The following EML6 variants were observed in gnomAD, a reference collection of about 807,000 sequenced individuals.
EML6 encodes the protein echinoderm microtubule-associated protein-like 6.
In EML6, 154 loss-of-function variants were observed where a neutral mutation model predicts 240.1. The observed-to-expected ratio is 0.64, with a 90% CI of 0.56 to 0.73. EML6 has a LOEUF of 0.73. EML6 is among the 30% of genes least tolerant of loss of function. The pLI, the probability that EML6 is intolerant of heterozygous loss-of-function variation, is 0.00. For missense variants in EML6, 2,964 were observed against 2,474.6 expected, an observed-to-expected ratio of 1.20 and a Z score of -4.20; for synonymous variants, 1,148 against 899.0, an observed-to-expected ratio of 1.28 and a Z score of -4.95.
intron 13 of EML6, among the ~76,000 whole-genome samples, chr2:54,866,351 A>G (rs781294201): frequency 1.3e-5 from 2 of 152,226 alleles, no homozygotes; most frequent in East Asian, 3.8e-4. Context: ...GCATGAAGCT[A>G]TGAAGTGAAT....
chr2:54,839,242 C>G (rs934729486), intron 7 of EML6, among the ~76,000 whole-genome samples: 6 of 152,188 alleles, frequency 3.9e-5, no homozygotes, highest in African/African-American at 1.2e-4. Flanking sequence ...GTTCTCTTTA[C>G]CACTCTTGCA....
intron 2 of EML6, among the ~76,000 whole-genome samples, chr2:54,807,676 C>T (rs921017021): frequency 6.6e-6 from 1 of 152,170 alleles, no homozygotes. Flanking sequence ...CAACTATAGA[C>T]AACAGTGAAA....
At chr2:54,738,929 C>T (rs1212918343) in intron 2 of EML6, among the ~76,000 whole-genome samples, 5 of 152,146 alleles carry the variant, frequency 3.3e-5, no homozygotes, top group Admixed American at 3.3e-4. Context: ...TTGCTAGATA[C>T]TGTCAAATGG....
intron 2 of EML6, among the ~76,000 whole-genome samples, chr2:54,746,685 A>G (rs1683926702): frequency 6.6e-6 from 1 of 152,114 alleles, no homozygotes; most frequent in African/African-American, 2.4e-5. Context: ...TTTTTGTTTT[A>G]TAGCTAGAAA....
intron 26 of EML6, among the ~76,000 whole-genome samples, chr2:54,917,184 T>A (rs1314959913): frequency 6.6e-6 from 1 of 152,184 alleles, no homozygotes; most frequent in African/African-American, 2.4e-5. Flanking sequence ...AACTGCAAAG[T>A]AAGTGTTACC....
rs1477933483 is a variant in EML6, at chr2:54,879,535, G to T, written c.2345-12G>T. 2 of 1,539,340 alleles carry T rather than the reference G, an allele frequency of 1.3e-6. No individual in the cohort carries two copies. Among genetic ancestry groups the T allele is most frequent in the African/African-American group, 2.8e-5 (2 of 72,650 alleles). The stretch of plus-strand genomic sequence containing the variant: ...TGGAAGAAATTTTGACATTTGTGTT[G>T]TTTTCATACAGCCGATGGAAAATGT... On this transcript the variant is annotated splice_polypyrimidine_tract_variant and intron_variant, in intron 16 of 41. Coordinates refer to ENST00000356458, the MANE Select transcript of EML6 (RefSeq NM_001039753.4).
At position 54,928,380 on chromosome 2, in the gene EML6, A is replaced by T. The variant is rs1395076836; in HGVS notation, c.3743A>T (p.His1248Leu). 6.4e-7 allele frequency: 1 copy of T among 1,552,046 alleles called. No individual in the cohort carries two copies. The highest frequency in any genetic ancestry group is 8.7e-7 in the Non-Finnish European group (1 of 1,147,084). The part of the protein sequence containing the change: ...SAHVTNVRWL[H>L]NDSVLLTVGG... ...CATGTCACTAACGTGAGGTGGCTGC[A>T]CAATGACTCTGTGCTGCTCACGGTG... Residue 1248 changes from histidine (H) to leucine (L), a missense_variant, in exon 27 of 42, where the codon CAC (histidine) becomes CTC (leucine). By Grantham distance (99) the His-to-Leu change is moderately conservative (BLOSUM62 -3). Coordinates refer to ENST00000356458, the MANE Select transcript of EML6 (RefSeq NM_001039753.4).
intron 22 of EML6, among the ~76,000 whole-genome samples, chr2:54,902,052 A>G (rs1278305119): frequency 1.3e-5 from 2 of 152,220 alleles, no homozygotes. Flanking sequence ...AGAGGCAAGA[A>G]CAACATCTTT....
At chr2:54,784,620 C>A (rs1301979902) in intron 2 of EML6, among the ~76,000 whole-genome samples, 1 of 152,142 alleles carries the variant, frequency 6.6e-6, no homozygotes, top group Non-Finnish European at 1.5e-5. Flanking sequence ...ATGCTGTTGA[C>A]AAGAAGCCTT....
chr2:54,858,481 C>G (rs982965541), intron 11 of EML6, among the ~76,000 whole-genome samples: 9 of 152,280 alleles, frequency 5.9e-5, no homozygotes, highest in Admixed American at 5.9e-4. Flanking sequence ...ACCCTGCTCC[C>G]CAATTACTCA....
chr2:54,957,660 G>T (rs946173294), intron 32 of EML6, 130 bp from the exon 33 acceptor site: 4 of 777,076 alleles, frequency 5.1e-6, no homozygotes, highest in Non-Finnish European at 4.2e-6. Context: ...GTCTGAAGGG[G>T]AGAGAGTGCT....
At chr2:54,924,775 C>G (rs1207886925) in intron 26 of EML6, among the ~76,000 whole-genome samples, 2 of 152,098 alleles carry the variant, frequency 1.3e-5, no homozygotes, top group Non-Finnish European at 2.9e-5. Context: ...GTTGGCCAGA[C>G]TGGTCTCGAA....
intron 18 of EML6, among the ~76,000 whole-genome samples, chr2:54,891,411 A>G (rs1291862495): frequency 6.6e-6 from 1 of 152,222 alleles, no homozygotes; most frequent in African/African-American, 2.4e-5. Context: ...ATATTTAGTC[A>G]TCTGTTCTGA....
At chr2:54,788,968 AC>A (rs1248065503) in intron 2 of EML6, among the ~76,000 whole-genome samples, 1 of 151,972 alleles carries the variant, frequency 6.6e-6, no homozygotes, top group Non-Finnish European at 1.5e-5. Flanking sequence ...CATCCGCCCC[AC>A]CCCCTTTGCC....
chr2:54,961,184 G>GTTGTTTTTTTTTTTTTGTTTGTTTTT, intron 35 of EML6, among the ~76,000 whole-genome samples: 1 of 55,424 alleles, frequency 1.8e-5, no homozygotes, highest in East Asian at 6.3e-4. Flanking sequence ...TCAGGAAGTA[G>GTTGTTTTTTTTTTTTTGTTTGTTTTT]TTTTTTTTTT....
chr2:54,878,297 C>T (rs536056592), intron 16 of EML6, among the ~76,000 whole-genome samples: 4 of 152,276 alleles, frequency 2.6e-5, no homozygotes, highest in South Asian at 4.1e-4. Context: ...GGCAATTTAT[C>T]ACAGACCTGT....
intron 25 of EML6, among the ~76,000 whole-genome samples, chr2:54,915,733 C>G (rs1220067189): frequency 6.6e-6 from 1 of 152,022 alleles, no homozygotes; most frequent in Non-Finnish European, 1.5e-5. Context: ...GCAATAACAA[C>G]AAGCAGAAAT....
At chr2:54,899,499 G>T in intron 21 of EML6, 142 bp from the exon 22 acceptor site, 1 of 686,794 alleles carries the variant, frequency 1.5e-6, no homozygotes, top group Non-Finnish European at 2.3e-6. Flanking sequence ...TGATGATTTT[G>T]GTTCAAGGAA....
At chr2:54,905,592 A>G (rs1269287211) in intron 24 of EML6, among the ~76,000 whole-genome samples, 2 of 152,216 alleles carry the variant, frequency 1.3e-5, no homozygotes, top group Non-Finnish European at 2.9e-5. Flanking sequence ...CAGTTCAAGG[A>G]CGTTAAAAAC....
Sources: allele counts gnomAD v4.1 joint callset (sites outside exome capture counted in the v4.1 genomes callset), GRCh38; gene constraint gnomAD v4.1.1; transcripts MANE v1.5; gene names NCBI Gene and HGNC (gene_info 2026-07-23, HGNC 2026-07-21).